SOX5: variants seen among roughly 807,000 people sequenced by gnomAD.
SOX5 encodes the protein transcription factor SOX-5.
In SOX5, 9 loss-of-function variants were observed where a neutral mutation model predicts 92.0. The ratio of observed to expected loss-of-function variants is 0.10; its 90% CI spans 0.06 to 0.17. The LOEUF (loss-of-function observed/expected upper bound fraction) is 0.17, where lower values mean the gene tolerates loss of function less well. SOX5 is among the 10% of genes least tolerant of loss of function. The pLI, the probability that SOX5 is intolerant of heterozygous loss-of-function variation, is 1.00. For missense variants in SOX5, 642 were observed against 944.5 expected (o/e 0.68, Z 4.20); for synonymous variants, 344 against 336.3 (o/e 1.02, Z -0.25).
intron 5 of SOX5, among the ~76,000 whole-genome samples, chr12:23,735,087 A>G (rs189609555): frequency 6.6e-6 from 1 of 152,198 alleles, no homozygotes; most frequent in Non-Finnish European, 1.5e-5. Context: ...GCCCTTTTCT[A>G]TAACAGAGTG....
intron 3 of SOX5, among the ~76,000 whole-genome samples, chr12:24,260,021 A>C (rs1420141450): frequency 6.6e-6 from 1 of 152,220 alleles, no homozygotes; most frequent in African/African-American, 2.4e-5. Flanking sequence ...TACAAGCACA[A>C]AGAGATGTAG....
chr12:24,431,404 T>C (rs1295883468), intron 1 of SOX5, among the ~76,000 whole-genome samples: 1 of 152,158 alleles, frequency 6.6e-6, no homozygotes, highest in Non-Finnish European at 1.5e-5. Flanking sequence ...TAAGGCAAAA[T>C]CAATACATAA....
intron 4 of SOX5, among the ~76,000 whole-genome samples, chr12:24,171,718 C>A (rs930736333): frequency 6.6e-6 from 1 of 151,958 alleles, no homozygotes; most frequent in Admixed American, 6.6e-5. Flanking sequence ...GACCCTTTGG[C>A]CAGGTGCAGT....
chr12:23,870,138 A>C (rs1014870947), intron 2 of SOX5, among the ~76,000 whole-genome samples: 5 of 152,094 alleles, frequency 3.3e-5, no homozygotes, highest in Non-Finnish European at 7.4e-5. Context: ...CTAGGGTCCA[A>C]ATAGCATTAG....
intron 2 of SOX5, among the ~76,000 whole-genome samples, chr12:24,310,245 C>T (rs1949042190): frequency 6.6e-6 from 1 of 152,044 alleles, no homozygotes; most frequent in Non-Finnish European, 1.5e-5. Context: ...TGCAAAATCA[C>T]GGATAAACAA....
intron 1 of SOX5, among the ~76,000 whole-genome samples, chr12:24,447,931 A>T (rs552307111): frequency 2.0e-5 from 3 of 152,296 alleles, no homozygotes; most frequent in Non-Finnish European, 4.4e-5. Flanking sequence ...CTGTATTTCC[A>T]GCACTTTGGG....
intron 2 of SOX5, among the ~76,000 whole-genome samples, chr12:24,308,662 G>C (rs544801376): frequency 6.6e-6 from 1 of 152,120 alleles, no homozygotes; most frequent in East Asian, 1.9e-4. Flanking sequence ...ACTCAGAAGC[G>C]CTCAACAAAT....
intron 12 of SOX5, 74 bp downstream of exon 12, chr12:23,546,242 T>C: frequency 2.4e-6 from 2 of 833,710 alleles, no homozygotes; most frequent in Non-Finnish European, 4.0e-6. Context: ...TAGTCTATTT[T>C]TTAGCAGTTT....
At chr12:23,691,522 G>A (rs1285127745) in intron 6 of SOX5, among the ~76,000 whole-genome samples, 1 of 152,052 alleles carries the variant, frequency 6.6e-6, no homozygotes, top group Non-Finnish European at 1.5e-5. Flanking sequence ...TTCTTTGTGG[G>A]AAGATTTTAA....
At chr12:24,201,899 C>G (rs1215937191) in intron 4 of SOX5, among the ~76,000 whole-genome samples, 1 of 152,158 alleles carries the variant, frequency 6.6e-6, no homozygotes, top group East Asian at 1.9e-4. Context: ...GCTCTGCTTT[C>G]CCTCTATGAA....
At chr12:24,494,584 C>A (rs1947427077) in intron 1 of SOX5, among the ~76,000 whole-genome samples, 2 of 152,146 alleles carry the variant, frequency 1.3e-5, no homozygotes, top group African/African-American at 4.8e-5. Flanking sequence ...ACTTTCACAA[C>A]TTCAACCCCC....
At chr12:24,442,342 G>T (rs1036122806) in intron 1 of SOX5, among the ~76,000 whole-genome samples, 1 of 152,132 alleles carries the variant, frequency 6.6e-6, no homozygotes, top group Non-Finnish European at 1.5e-5. Flanking sequence ...TCAGGCTCTA[G>T]GGATTCGTTA....
At chr12:23,881,709 C>T (rs766609210) in intron 2 of SOX5, among the ~76,000 whole-genome samples, 11 of 152,012 alleles carry the variant, frequency 7.2e-5, no homozygotes, top group South Asian at 2.1e-4. Context: ...GTATTCCTAC[C>T]GGCATAAATC....
At chr12:24,325,901 C>T (rs776388268) in intron 2 of SOX5, among the ~76,000 whole-genome samples, 11 of 152,096 alleles carry the variant, frequency 7.2e-5, no homozygotes, top group Non-Finnish European at 1.5e-4. Context: ...CACACGTGCA[C>T]GCGCGCGCGT....
At chr12:23,657,471 A>G (rs764418344) in intron 7 of SOX5, among the ~76,000 whole-genome samples, 1 of 152,120 alleles carries the variant, frequency 6.6e-6, no homozygotes, top group Non-Finnish European at 1.5e-5. Flanking sequence ...GTTTTACTAA[A>G]TATTTTTCTT....
intron 1 of SOX5, among the ~76,000 whole-genome samples, chr12:23,940,745 T>TACACACAC (rs36124621): frequency 0.066 from 9,277 of 139,646 alleles, 382 homozygotes; most frequent in African/African-American, 0.11. Flanking sequence ...AGATAAGTAT[T>TACACACAC]ACACACACAC....
At chr12:23,940,200 G>A (rs187286745) in intron 1 of SOX5, among the ~76,000 whole-genome samples, 2 of 151,258 alleles carry the variant, frequency 1.3e-5, no homozygotes, top group Non-Finnish European at 3.0e-5. Flanking sequence ...ATAGTGATCT[G>A]ATGCCTGAGA....
At chr12:24,178,464 C>T (rs1955088146) in intron 4 of SOX5, among the ~76,000 whole-genome samples, 1 of 152,152 alleles carries the variant, frequency 6.6e-6, no homozygotes, top group Non-Finnish European at 1.5e-5. Flanking sequence ...TACTCAGCTT[C>T]TGCCTGGAGT....
rs377435501 is a variant in SOX5, at chr12:23,834,514, C to T, written c.481+11469G>A. Among the ~76,000 whole-genome samples, 3 of 151,994 alleles carry T rather than the reference C, an allele frequency of 2.0e-5. No individual in the cohort carries two copies. The East Asian group carries it at 5.8e-4, about 29-fold the overall frequency. ...TTTGAAGATTACATGAAACAGCCCA[C>T]ATTAACACCTGGCAGGAGAGTTGGA... On this transcript the variant is annotated intron_variant, in intron 3 of 14. Coordinates refer to ENST00000451604, the MANE Select transcript of SOX5 (RefSeq NM_006940.6).
Sources: allele counts gnomAD v4.1 joint callset (sites outside exome capture counted in the v4.1 genomes callset), GRCh38; gene constraint gnomAD v4.1.1; transcripts MANE v1.5; gene names NCBI Gene and HGNC (gene_info 2026-07-23, HGNC 2026-07-21).